Variants in FNDC3A observed in about 807,000 individuals in gnomAD.
The protein encoded by FNDC3A is fibronectin type III domain containing 3A.
In FNDC3A, 32 loss-of-function variants were observed where a neutral mutation model predicts 148.9. That is an observed-to-expected ratio of 0.21 (90% CI 0.16 to 0.29). The LOEUF (loss-of-function observed/expected upper bound fraction) is 0.29. FNDC3A is among the 10% of genes least tolerant of loss of function. The pLI is 1.00. For synonymous variants in FNDC3A, 472 were observed against 473.6 expected (o/e 1.00, Z 0.04); for missense variants, 1,191 against 1,452.8 (o/e 0.82, Z 2.93).
chr13:49,205,327 A>G (rs1392914934), intron 25 of FNDC3A, among the ~76,000 whole-genome samples: 1 of 152,346 alleles, frequency 6.6e-6, no homozygotes, highest in East Asian at 1.9e-4. Context: ...TATTATATCC[A>G]TAAGACAAAT....
At chr13:49,167,411 A>C (rs1161755592) in intron 9 of FNDC3A, 108 bp downstream of exon 9, 1 of 662,418 alleles carries the variant, frequency 1.5e-6, no homozygotes, top group Non-Finnish European at 2.4e-6. Flanking sequence ...TTAATTTTGG[A>C]TTAAAAACAG....
intron 6 of FNDC3A, among the ~76,000 whole-genome samples, chr13:49,137,970 A>G (rs999955832): frequency 3.9e-5 from 6 of 152,208 alleles, no homozygotes; most frequent in East Asian, 1.9e-4. Context: ...TTTCACAAGC[A>G]CCAATAACCA....
At chr13:49,086,814 A>C (rs1207474550) in intron 3 of FNDC3A, among the ~76,000 whole-genome samples, 3 of 152,136 alleles carry the variant, frequency 2.0e-5, no homozygotes, top group Non-Finnish European at 4.4e-5. Flanking sequence ...TCCCCTTTTA[A>C]TATGAAAACA....
chr13:49,037,780 A>G (rs1433747598), intron 2 of FNDC3A, among the ~76,000 whole-genome samples: 1 of 152,182 alleles, frequency 6.6e-6, no homozygotes, highest in African/African-American at 2.4e-5. Context: ...GCAGATGGGC[A>G]GGTGCAGGAG....
chr13:49,207,405 T>C lies in FNDC3A; in HGVS notation c.*10T>C. 6.8e-7 allele frequency: 1 copy of C among 1,474,360 alleles called. No homozygotes were observed. The highest frequency in any genetic ancestry group is 9.3e-7 in the Non-Finnish European group (1 of 1,071,516). The allele number at this position is 1,474,360 out of a possible 1,614,324, so 91.3% of individuals were successfully genotyped here. A position where few individuals can be genotyped will look rare whatever the true frequency, so the allele number is the denominator to read the frequency against. ...CTTTGTAATCAAGTGAAAATATAAC[T>C]TTATTTTTTAACTCTATTACATTTT... On this transcript the variant is annotated 3_prime_UTR_variant, in exon 26 of 26. Coordinates refer to ENST00000492622, the MANE Select transcript of FNDC3A (RefSeq NM_001079673.2).
chr13:49,065,181 G>A (rs1877180346), intron 2 of FNDC3A, among the ~76,000 whole-genome samples: 1 of 152,128 alleles, frequency 6.6e-6, no homozygotes, highest in Non-Finnish European at 1.5e-5. Context: ...GTCAACTAGA[G>A]CTGGAAACCT....
intron 3 of FNDC3A, among the ~76,000 whole-genome samples, chr13:49,087,460 G>A (rs911515421): frequency 6.6e-6 from 1 of 152,004 alleles, no homozygotes; most frequent in South Asian, 2.1e-4. Context: ...TGTTTTGTGT[G>A]CCATTCTCTC....
rs749792165 is a variant in FNDC3A at position 49,201,985 on chromosome 13, ACTTATTTT to A, written c.3154+23_3154+30del. On this transcript the variant is annotated intron_variant, in intron 24 of 25. Coordinates refer to ENST00000492622, the MANE Select transcript of FNDC3A (RefSeq NM_001079673.2). ...TTGAAAGGTAAGTTATACATCCTGA[ACTTATTTT>A]CTTTATAATAAATTACTTTTTAATG... 34 of 1,430,366 alleles carry A rather than the reference ACTTATTTT, an allele frequency of 2.4e-5. No homozygotes were observed. The East Asian group carries it at 8.4e-4, about 35-fold the overall frequency. The allele number at this position is 1,430,366 out of a possible 1,614,324, so 88.6% of individuals were successfully genotyped here. A position where few individuals can be genotyped will look rare whatever the true frequency, so the allele number is the denominator to read the frequency against.
chr13:49,136,137 A>G (rs1157505308), intron 5 of FNDC3A, among the ~76,000 whole-genome samples, 195 bp from the exon 6 acceptor site: 2 of 152,212 alleles, frequency 1.3e-5, no homozygotes, highest in Non-Finnish European at 2.9e-5. Context: ...AGAGAGAGAT[A>G]TATATAATTA....
intron 14 of FNDC3A, among the ~76,000 whole-genome samples, chr13:49,184,369 A>G (rs1281544825): frequency 6.6e-6 from 1 of 152,172 alleles, no homozygotes; most frequent in Non-Finnish European, 1.5e-5. Flanking sequence ...ACACTGGGAA[A>G]CTAGCTAGTG....
At chr13:49,051,092 T>A (rs1479132988) in intron 2 of FNDC3A, among the ~76,000 whole-genome samples, 1 of 152,218 alleles carries the variant, frequency 6.6e-6, no homozygotes, top group Non-Finnish European at 1.5e-5. Context: ...GGTAAATTCT[T>A]ATCTATTCTG....
chr13:49,184,954 G>C (rs893721621), intron 14 of FNDC3A, among the ~76,000 whole-genome samples: 2 of 149,264 alleles, frequency 1.3e-5, no homozygotes, highest in African/African-American at 4.9e-5. Context: ...TAAGGGGGAG[G>C]GGGGTGGGCA....
chr13:49,146,685 C>G (rs765024434), intron 8 of FNDC3A: 3 of 152,184 alleles, frequency 2.0e-5, no homozygotes, highest in Non-Finnish European at 4.4e-5. Context: ...TGCAGTGAGC[C>G]AAGATCGCGT....
chr13:49,179,566 T>C (rs913975916), intron 14 of FNDC3A, among the ~76,000 whole-genome samples: 31 of 152,330 alleles, frequency 2.0e-4, no homozygotes, highest in African/African-American at 7.2e-4. Flanking sequence ...TTTTAAAATT[T>C]TATCATTTTT....
chr13:49,013,710 T>C (rs1952423022), intron 2 of FNDC3A, among the ~76,000 whole-genome samples: 1 of 149,162 alleles, frequency 6.7e-6, no homozygotes, highest in Non-Finnish European at 1.5e-5. Flanking sequence ...ACTCGTCATC[T>C]ATCATTAGGT....
At chr13:49,094,700 A>G (rs1879411536) in intron 3 of FNDC3A, among the ~76,000 whole-genome samples, 1 of 152,080 alleles carries the variant, frequency 6.6e-6, no homozygotes, top group Non-Finnish European at 1.5e-5. Flanking sequence ...GTTGTGATTG[A>G]AAAAGAAAAA....
chr13:49,149,985 T>C (rs1159189889), intron 8 of FNDC3A, among the ~76,000 whole-genome samples: 1 of 152,208 alleles, frequency 6.6e-6, no homozygotes, highest in African/African-American at 2.4e-5. Context: ...TTGTCCATAA[T>C]AGTCTCTGAT....
chr13:49,019,017 G>A (rs2137635938), intron 2 of FNDC3A, among the ~76,000 whole-genome samples: 1 of 152,312 alleles, frequency 6.6e-6, no homozygotes, highest in South Asian at 2.1e-4. Flanking sequence ...CTGTCAGACA[G>A]GGACATTTAA....
chr13:48,994,908 A>G (rs557151224), intron 1 of FNDC3A, among the ~76,000 whole-genome samples: 1 of 152,304 alleles, frequency 6.6e-6, no homozygotes, highest in African/African-American at 2.4e-5. Context: ...TAATGAGTAC[A>G]TGGGGTTCAT....
Sources: allele counts gnomAD v4.1 joint callset (sites outside exome capture counted in the v4.1 genomes callset), GRCh38; gene constraint gnomAD v4.1.1; transcripts MANE v1.5; gene names NCBI Gene and HGNC (gene_info 2026-07-23, HGNC 2026-07-21).